The following CHD9 variants were observed in gnomAD, a reference collection of about 807,000 sequenced individuals.
CHD9 encodes the protein ATP-dependent chromatin remodeler CHD9.
In CHD9, 77 loss-of-function variants were observed where a neutral mutation model predicts 316.1. The observed-to-expected ratio is 0.24, with a 90% CI of 0.20 to 0.29. The LOEUF (loss-of-function observed/expected upper bound fraction) is 0.29. Ranked by LOEUF, CHD9 falls within the 10% of genes least tolerant of loss-of-function variation. The pLI is 1.00. For synonymous variants in CHD9, 1,129 were observed against 1,158.3 expected (o/e 0.97, Z 0.51); for missense variants, 2,763 against 3,438.1 (o/e 0.80, Z 4.91).
chr16:53,097,361 T>A (rs2036466418), intron 1 of CHD9, among the ~76,000 whole-genome samples: 1 of 43,420 alleles, frequency 2.3e-5, no homozygotes, highest in Non-Finnish European at 3.8e-5. Flanking sequence ...TCTCCCTTCC[T>A]TCCTTCCTTC....
intron 2 of CHD9, among the ~76,000 whole-genome samples, chr16:53,180,028 C>CTTTT (rs767442053): frequency 2.2e-5 from 3 of 135,578 alleles, no homozygotes; most frequent in East Asian, 2.1e-4. Flanking sequence ...ACCTTACCTT[C>CTTTT]TTTTTTTTTT....
intron 2 of CHD9, among the ~76,000 whole-genome samples, chr16:53,179,565 T>C (rs1292547840): frequency 2.6e-5 from 4 of 152,154 alleles, no homozygotes; most frequent in Admixed American, 6.6e-5. Flanking sequence ...AAATAATGTA[T>C]CTTGTACCCA....
At chr16:53,202,551 A>G (rs2045555314) in intron 2 of CHD9, among the ~76,000 whole-genome samples, 4 of 152,076 alleles carry the variant, frequency 2.6e-5, no homozygotes, top group Admixed American at 1.3e-4. Flanking sequence ...TACTGATTAC[A>G]TCCCCATTTT....
intron 3 of CHD9, among the ~76,000 whole-genome samples, chr16:53,211,012 T>C (rs1033751004): frequency 2.6e-5 from 4 of 152,120 alleles, no homozygotes; most frequent in African/African-American, 9.6e-5. Flanking sequence ...TCCAAAGCTC[T>C]GCCCAGTTTT....
chr16:53,296,668 A>G (rs1006058624), intron 29 of CHD9, among the ~76,000 whole-genome samples: 5 of 151,912 alleles, frequency 3.3e-5, no homozygotes, highest in African/African-American at 1.2e-4. Context: ...TATGGTCTCT[A>G]TCTCCTGACC....
chr16:53,124,297 A>G (rs1015005883), intron 1 of CHD9, among the ~76,000 whole-genome samples: 2 of 152,014 alleles, frequency 1.3e-5, no homozygotes, highest in Admixed American at 1.3e-4. Flanking sequence ...GTAATTTATA[A>G]AGAAAAAGAA....
chr16:53,296,245 G>A (rs2054777610), intron 29 of CHD9, among the ~76,000 whole-genome samples: 3 of 151,932 alleles, frequency 2.0e-5, no homozygotes. Flanking sequence ...CTATAAATGT[G>A]TTTGATTTTA....
At chr16:53,150,938 C>T (rs1241853384) in intron 1 of CHD9, among the ~76,000 whole-genome samples, 4 of 152,010 alleles carry the variant, frequency 2.6e-5, no homozygotes, top group Non-Finnish European at 5.9e-5. Flanking sequence ...TAATGTGTTA[C>T]GATGTGATCT....
chr16:53,123,834 T>C (rs1220745099), intron 1 of CHD9, among the ~76,000 whole-genome samples: 1 of 152,178 alleles, frequency 6.6e-6, no homozygotes, highest in Admixed American at 6.5e-5. Context: ...CTTTGTGTAA[T>C]AATTCTGTCT....
intron 1 of CHD9, among the ~76,000 whole-genome samples, chr16:53,151,983 T>A (rs2041158172): frequency 6.6e-6 from 1 of 152,016 alleles, no homozygotes; most frequent in African/African-American, 2.4e-5. Flanking sequence ...TGTGTGTGTG[T>A]GTGTGTGTGT....
At chr16:53,292,669 T>C (rs1165713940) in intron 28 of CHD9, among the ~76,000 whole-genome samples, 164 bp from the exon 29 acceptor site, 3 of 152,358 alleles carry the variant, frequency 2.0e-5, no homozygotes, top group Admixed American at 2.0e-4. Context: ...AAGTTTGTTG[T>C]AATGTTTCTT....
chr16:53,164,229 T>C (rs2042116093), intron 2 of CHD9, among the ~76,000 whole-genome samples: 1 of 152,166 alleles, frequency 6.6e-6, no homozygotes, highest in East Asian at 1.9e-4. Flanking sequence ...ATATTCACAA[T>C]CGTTTATCTA....
intron 2 of CHD9, among the ~76,000 whole-genome samples, chr16:53,180,039 T>C (rs2043376144): frequency 6.6e-6 from 1 of 150,686 alleles, no homozygotes; most frequent in Non-Finnish European, 1.5e-5. Context: ...TTTTTTTTTT[T>C]TTTTTGAGAC....
chr16:53,200,621 A>G (rs537624308), intron 2 of CHD9, among the ~76,000 whole-genome samples: 501 of 152,338 alleles, frequency 3.3e-3, no homozygotes, highest in Middle Eastern at 6.8e-3. Context: ...GAAACTTTCC[A>G]TTAGGCAAAT....
chr16:53,144,683 G>A (rs1283036329), intron 1 of CHD9, among the ~76,000 whole-genome samples: 1 of 151,748 alleles, frequency 6.6e-6, no homozygotes, highest in Non-Finnish European at 1.5e-5. Context: ...CGCCCACTAT[G>A]CCCAGCTAAT....
intron 1 of CHD9, among the ~76,000 whole-genome samples, chr16:53,125,888 T>C (rs1265269058): frequency 6.6e-6 from 1 of 152,238 alleles, no homozygotes; most frequent in East Asian, 1.9e-4. Context: ...CAAAACTTCA[T>C]TGTAAGTTGA....
chr16:53,110,995 T>C (rs1476605626), intron 1 of CHD9, among the ~76,000 whole-genome samples: 1 of 152,160 alleles, frequency 6.6e-6, no homozygotes. Context: ...CTTTTCCAAG[T>C]TGACCCCTTT....
intron 11 of CHD9, among the ~76,000 whole-genome samples, chr16:53,236,445 G>A (rs539893692): frequency 2.0e-5 from 3 of 151,692 alleles, no homozygotes; most frequent in South Asian, 2.1e-4. Flanking sequence ...AGTCTTCTTA[G>A]AGCCTTAGAG....
At chr16:53,217,940 CTTTCTTTCTTTCTTTCTTTT>C (rs1460464840) in intron 3 of CHD9, among the ~76,000 whole-genome samples, 1 of 83,798 alleles carries the variant, frequency 1.2e-5, no homozygotes, top group Non-Finnish European at 2.6e-5. Context: ...TTCTTTCTTT[CTTTCTTTCTTTCTTTCTTTT>C]TTTTTTTAAT....
Sources: allele counts gnomAD v4.1 joint callset (sites outside exome capture counted in the v4.1 genomes callset), GRCh38; gene constraint gnomAD v4.1.1; transcripts MANE v1.5; gene names NCBI Gene and HGNC (gene_info 2026-07-23, HGNC 2026-07-21).